HMGN3: variants seen among roughly 807,000 people sequenced by gnomAD.
HMGN3 encodes the protein high mobility group nucleosomal binding domain 3.
In HMGN3, 6 loss-of-function variants were observed where a neutral mutation model predicts 18.8. The ratio of observed to expected loss-of-function variants is 0.32; its 90% CI spans 0.18 to 0.63. HMGN3 has a LOEUF of 0.63. HMGN3 is among the 30% of genes least tolerant of loss of function. HMGN3 has a pLI of 0.79. For missense variants in HMGN3, 107 were observed against 114.2 expected (o/e 0.94, Z 0.29); for synonymous variants, 40 against 36.5 (o/e 1.10, Z -0.35).
intron 1 of HMGN3, among the ~76,000 whole-genome samples, chr6:79,230,025 G>T (rs185012402): frequency 1.6e-4 from 24 of 152,124 alleles, no homozygotes; most frequent in Admixed American, 1.6e-3. Flanking sequence ...TCCAAACCTG[G>T]AACAATCCAA....
At chr6:79,234,373 G>T in intron 1 of HMGN3, 173 bp downstream of exon 1, 5 of 510,754 alleles carry the variant, frequency 9.8e-6, no homozygotes, top group South Asian at 8.5e-5. Context: ...GAGTGGGTAG[G>T]GGGGACAGAG....
At chr6:79,225,275 A>G (rs2127835997) in intron 1 of HMGN3, among the ~76,000 whole-genome samples, 1 of 152,332 alleles carries the variant, frequency 6.6e-6, no homozygotes, top group South Asian at 2.1e-4. Flanking sequence ...AATACCTCTC[A>G]GGGTAGATTT....
chr6:79,206,558 G>A (rs748591156), intron 3 of HMGN3, among the ~76,000 whole-genome samples: 37 of 152,224 alleles, frequency 2.4e-4, no homozygotes, highest in South Asian at 4.1e-4. Flanking sequence ...TTCAGAAGAC[G>A]TATGGAAACA....
exon 6 of HMGN3, chr6:79,201,429 A>G (rs1281639183): frequency 2.2e-6 from 1 of 460,488 alleles, no homozygotes; most frequent in East Asian, 3.2e-5. Flanking sequence ...ACAGGACTAA[A>G]TTTTAAAGCA....
chr6:79,218,436 G>A (rs1006424177), intron 1 of HMGN3, among the ~76,000 whole-genome samples: 3 of 152,142 alleles, frequency 2.0e-5, no homozygotes, highest in Non-Finnish European at 4.4e-5. Context: ...TATGTCATCA[G>A]AAGGATATAT....
At chr6:79,205,885 T>C (rs929815681) in intron 3 of HMGN3, among the ~76,000 whole-genome samples, 7 of 152,136 alleles carry the variant, frequency 4.6e-5, no homozygotes, top group African/African-American at 1.7e-4. Context: ...CAGGCAGAGG[T>C]GGTCTCAGAT....
At chr6:79,231,202 T>A (rs1373242325) in intron 1 of HMGN3, among the ~76,000 whole-genome samples, 1 of 152,216 alleles carries the variant, frequency 6.6e-6, no homozygotes, top group Non-Finnish European at 1.5e-5. Context: ...GTGTTTCCTG[T>A]CGCTAATCAT....
chr6:79,221,544 C>G (rs1292175671), intron 1 of HMGN3, among the ~76,000 whole-genome samples: 2 of 152,182 alleles, frequency 1.3e-5, no homozygotes, highest in African/African-American at 2.4e-5. Flanking sequence ...ACAAGGTTTG[C>G]TGACCTTCTT....
In HMGN3 at chr6:79,211,823, C is replaced by T. The variant is rs1776704742; in HGVS notation, c.66+3149G>A. ...GACATGAAATCTTCTACTTTAATAT[C>T]CTGGTTGCAAAAGCAACATAGAAGT... On this transcript the variant is annotated intron_variant, in intron 2 of 5. Transcript: ENST00000344726. Among the ~76,000 whole-genome samples, 3 of 152,152 alleles carry T rather than the reference C, an allele frequency of 2.0e-5. No homozygotes were observed. The South Asian group carries it at 6.2e-4, about 32-fold the overall frequency.
intron 2 of HMGN3, 143 bp from the exon 3 acceptor site, chr6:79,208,719 G>A: frequency 1.4e-6 from 1 of 733,030 alleles, no homozygotes; most frequent in Non-Finnish European, 2.5e-6. Context: ...GGTAAGCACA[G>A]TGAAACATAT....
chr6:79,206,949 C>T (rs1561984904), intron 3 of HMGN3, among the ~76,000 whole-genome samples: 1 of 152,228 alleles, frequency 6.6e-6, no homozygotes, highest in Non-Finnish European at 1.5e-5. Context: ...TTTGACTGCT[C>T]TGCTGGATTT....
chr6:79,203,582 T>C (rs1776259853), exon 4 of HMGN3: 3 of 1,612,986 alleles, frequency 1.9e-6, no homozygotes, highest in Non-Finnish European at 1.7e-6. Context: ...CTTCTTACCT[T>C]AGCAGATGTT....
chr6:79,217,810 C>T (rs754891653), intron 1 of HMGN3, among the ~76,000 whole-genome samples: 2 of 152,010 alleles, frequency 1.3e-5, no homozygotes, highest in African/African-American at 2.4e-5. Context: ...CAAGGGATTG[C>T]GAAGAATAAA....
intron 3 of HMGN3, 64 bp downstream of exon 3, chr6:79,208,483 C>T: frequency 1.5e-6 from 2 of 1,305,220 alleles, no homozygotes; most frequent in Non-Finnish European, 2.2e-6. Flanking sequence ...TTTGCTGCTT[C>T]ACTTTGGACA....
intron 1 of HMGN3, among the ~76,000 whole-genome samples, chr6:79,218,722 T>C (rs1039561298): frequency 5.9e-5 from 9 of 152,204 alleles, no homozygotes; most frequent in African/African-American, 2.2e-4. Context: ...AAGAGTTATA[T>C]TTCTTAAGCT....
chr6:79,215,162 T>C (rs1412437340), intron 1 of HMGN3, 140 bp from the exon 2 acceptor site: 15 of 597,156 alleles, frequency 2.5e-5, no homozygotes, highest in Non-Finnish European at 4.4e-5. Flanking sequence ...TACAACAGGG[T>C]ATGTCTTTTA....
chr6:79,220,187 A>T (rs184218870), intron 1 of HMGN3, among the ~76,000 whole-genome samples: 1 of 152,352 alleles, frequency 6.6e-6, no homozygotes, highest in African/African-American at 2.4e-5. Context: ...TTAAAATAAA[A>T]TTTAAAGTTA....
At chr6:79,223,268 T>C (rs1777394329) in intron 1 of HMGN3, among the ~76,000 whole-genome samples, 1 of 152,062 alleles carries the variant, frequency 6.6e-6, no homozygotes, top group African/African-American at 2.4e-5. Context: ...TCTTAGCACT[T>C]TGGGAGGTCG....
At chr6:79,228,124 C>G (rs1188070570) in intron 1 of HMGN3, among the ~76,000 whole-genome samples, 1 of 152,154 alleles carries the variant, frequency 6.6e-6, no homozygotes, top group Non-Finnish European at 1.5e-5. Context: ...CCTGGCCAAA[C>G]CTTTGAATGC....
Sources: gnomAD v4.1 joint callset for allele counts (sites outside exome capture counted in the v4.1 genomes callset) on GRCh38, gnomAD v4.1.1 for gene constraint, MANE v1.5 for transcripts, NCBI Gene and HGNC (gene_info 2026-07-23, HGNC 2026-07-21) for gene names.